Variants in LMX1A observed in about 807,000 individuals in gnomAD.
LMX1A encodes LIM homeobox transcription factor 1-alpha.
Under a neutral mutation model 49.1 loss-of-function variants are expected in LMX1A, and 15 were observed. That is an observed-to-expected ratio of 0.31 (90% CI 0.20 to 0.47). The LOEUF (loss-of-function observed/expected upper bound fraction) is 0.47. LMX1A is among the 20% of genes least tolerant of loss of function. The probability of loss-of-function intolerance (pLI) is 1.00; values close to 1 mark genes in which losing one functional copy is unlikely to be tolerated. For synonymous variants in LMX1A, 167 were observed against 185.7 expected (o/e 0.90, Z 0.82); for missense variants, 372 against 475.8 (o/e 0.78, Z 2.03).
chr1:165,206,327 T>C (rs10494435), intron 7 of LMX1A, among the ~76,000 whole-genome samples: 32,621 of 152,202 alleles, frequency 0.21, 4,408 homozygotes, highest in Middle Eastern at 0.34. Flanking sequence ...CTTTCTACGA[T>C]AACCCAGTAT....
Position 165,246,999 on chromosome 1 carries a change from T to C in LMX1A, c.496+2409A>G, listed in dbSNP as rs10494439. ...TGAACCTGTTGCAGTTCCCTGGTAC[T>C]GAGCATTATAATTCTATTAATCTGT... On this transcript the variant is annotated intron_variant, in intron 4 of 8. Coordinates refer to ENST00000342310, the MANE Select transcript of LMX1A (RefSeq NM_177398.4). Among the ~76,000 whole-genome samples the C allele has an allele frequency of 2.7e-5, 4 of 150,140 alleles. No individual in the cohort carries two copies. In the Admixed American group the frequency reaches 2.7e-4, roughly 10 times the overall value.
At chr1:165,204,124 G>C in intron 8 of LMX1A, 84 bp from the exon 9 acceptor site, 1 of 1,446,966 alleles carries the variant, frequency 6.9e-7, no homozygotes, top group Non-Finnish European at 9.5e-7. Context: ...AATTCAACAA[G>C]TGTTGCCTGA....
At chr1:165,242,243 C>T (rs759813342) in intron 4 of LMX1A, among the ~76,000 whole-genome samples, 34 of 152,114 alleles carry the variant, frequency 2.2e-4, no homozygotes, top group Non-Finnish European at 4.1e-4. Context: ...GCCCAATAAA[C>T]GGAGGCTATG....
At chr1:165,274,057 T>C (rs1653888150) in intron 3 of LMX1A, among the ~76,000 whole-genome samples, 1 of 152,194 alleles carries the variant, frequency 6.6e-6, no homozygotes. Flanking sequence ...GATTAGGAAA[T>C]TGGGTATGCA....
chr1:165,355,582 C>A lies in LMX1A; in HGVS notation c.-22-1G>T. 6.2e-7 allele frequency: 1 copy of A among 1,610,982 alleles called. No individual in the cohort carries two copies. The highest frequency in any genetic ancestry group is 8.5e-7 in the Non-Finnish European group (1 of 1,178,356). On this transcript the variant is annotated splice_acceptor_variant, in intron 1 of 8. Coordinates refer to ENST00000342310, the MANE Select transcript of LMX1A (RefSeq NM_177398.4). LOFTEE classifies it low-confidence loss of function (5UTR_SPLICE). This position sits in a 1 kb window ranked among gnomAD's most constrained non-coding sequence, Gnocchi z 4.7. ...CATGTTCGGGCCGGGCCGGGAGGACCTGTAGAGGAGAAGAAACGATGCGTC... is the reference window on the plus strand; with the variant it reads ...CATGTTCGGGCCGGGCCGGGAGGACATGTAGAGGAGAAGAAACGATGCGTC...
rs191458262 is a variant in LMX1A, at chr1:165,222,638, T to C, written c.497-8825A>G. ...TTGACTAACACTCAAAATGTTCTCA[T>C]TGCAAAAGTGAGTCCTCATTGGTCA... On this transcript the variant is annotated intron_variant, in intron 4 of 8. Coordinates refer to ENST00000342310, the MANE Select transcript of LMX1A (RefSeq NM_177398.4). Among the ~76,000 whole-genome samples the C allele has an allele frequency of 2.6e-5, 4 of 152,350 alleles. No individual in the cohort carries two copies. The East Asian group carries it at 7.7e-4, about 29-fold the overall frequency.
intron 3 of LMX1A, among the ~76,000 whole-genome samples, chr1:165,262,691 T>C (rs1557866856): frequency 6.6e-6 from 1 of 152,166 alleles, no homozygotes; most frequent in Non-Finnish European, 1.5e-5. Context: ...CTATATCATA[T>C]ATTCTCCCTC....
At chr1:165,215,138 C>T (rs938065293) in intron 4 of LMX1A, among the ~76,000 whole-genome samples, 3 of 151,998 alleles carry the variant, frequency 2.0e-5, no homozygotes, top group Non-Finnish European at 2.9e-5. Context: ...GGCAAAGCTC[C>T]GTCTCTACTA....
intron 3 of LMX1A, among the ~76,000 whole-genome samples, chr1:165,254,010 C>T (rs1204064278): frequency 2.0e-5 from 3 of 152,164 alleles, no homozygotes; most frequent in Non-Finnish European, 4.4e-5. Flanking sequence ...CCAACCTGAG[C>T]AAACTAATCA....
chr1:165,316,224 C>T (rs1655221952), intron 3 of LMX1A, among the ~76,000 whole-genome samples: 2 of 152,234 alleles, frequency 1.3e-5, no homozygotes, highest in African/African-American at 4.8e-5. Context: ...ACAGTGCACA[C>T]AGGCATGAAG....
chr1:165,302,450 T>C (rs1200222213), intron 3 of LMX1A, among the ~76,000 whole-genome samples: 1 of 150,546 alleles, frequency 6.6e-6, no homozygotes, highest in Non-Finnish European at 1.5e-5. Flanking sequence ...TCAAAAAAAA[T>C]AAAATAAAAT....
rs1351490087 is a variant in LMX1A at position 165,355,986 on chromosome 1, C to T, written c.-23+369G>A. On this transcript the variant is annotated intron_variant, in intron 1 of 8. Transcript: ENST00000342310. The surrounding 1 kb of genome is among the most constrained non-coding windows in gnomAD (Gnocchi z 4.7). ...ATATTGGGTATATAAAGAGTGGGTA[C>T]CCTCCCTCGAGCGACCGGGTCCAGG... is the stretch of plus-strand genomic sequence containing the variant. The T allele has an allele frequency of 6.2e-6, 1 of 162,352 alleles. No homozygotes were observed. Among genetic ancestry groups the T allele is most frequent in the Non-Finnish European group, 1.3e-5 (1 of 74,720 alleles). 10.1% of individuals were successfully genotyped at this position (162,352 alleles called of 1,614,324 possible).
chr1:165,305,893 C>T (rs1026508366), intron 3 of LMX1A, among the ~76,000 whole-genome samples: 10 of 152,118 alleles, frequency 6.6e-5, no homozygotes, highest in African/African-American at 1.7e-4. Flanking sequence ...ACATGCAAAA[C>T]GAGCACAGCC....
intron 3 of LMX1A, among the ~76,000 whole-genome samples, chr1:165,317,739 G>A (rs993512834): frequency 7.2e-5 from 11 of 152,210 alleles, no homozygotes; most frequent in Admixed American, 5.9e-4. Flanking sequence ...GCTGAAATGG[G>A]TTCTGGTAAA....
rs746437498 is a variant in LMX1A at position 165,204,059 on chromosome 1, A to G, written c.989-19T>C. 3.1e-6 allele frequency: 5 copies of G among 1,613,108 alleles called. No homozygotes were observed. The Admixed American group carries it at 8.3e-5, about 27-fold the overall frequency. On this transcript the variant is annotated intron_variant, in intron 8 of 8. Transcript: ENST00000342310. ...TCGGCACCTGAAATGGAGATGAAAC[A>G]CTGGCATGAGGGTCTTGAAGAAGTG...
At chr1:165,295,454 AT>A (rs1489107667) in intron 3 of LMX1A, among the ~76,000 whole-genome samples, 1 of 147,744 alleles carries the variant, frequency 6.8e-6, no homozygotes, top group African/African-American at 2.5e-5. Flanking sequence ...AATATATAAA[AT>A]ATATATATAA....
chr1:165,279,449 A>G (rs1472806337), intron 3 of LMX1A, among the ~76,000 whole-genome samples: 1 of 144,232 alleles, frequency 6.9e-6, no homozygotes, highest in Non-Finnish European at 1.5e-5. Flanking sequence ...CCCTACCACA[A>G]GGGAACTTGA....
chr1:165,232,092 G>A (rs1256828713), intron 4 of LMX1A, among the ~76,000 whole-genome samples: 2 of 152,200 alleles, frequency 1.3e-5, no homozygotes, highest in Non-Finnish European at 2.9e-5. Flanking sequence ...TGAAGTACCG[G>A]GTTGGAGATT....
At chr1:165,349,999 A>G (rs1656371469) in intron 3 of LMX1A, among the ~76,000 whole-genome samples, 1 of 152,174 alleles carries the variant, frequency 6.6e-6, no homozygotes, top group Admixed American at 6.5e-5. Context: ...TTTCATTTAA[A>G]TGTGTAGAAA....
Sources: allele counts gnomAD v4.1 joint callset (sites outside exome capture counted in the v4.1 genomes callset), GRCh38; gene constraint gnomAD v4.1.1; non-coding constraint Gnocchi (gnomAD v3.1); transcripts MANE v1.5; gene names NCBI Gene and HGNC (gene_info 2026-07-23, HGNC 2026-07-21).